Variants in RAPGEF3 observed in about 807,000 individuals in gnomAD.
The protein encoded by RAPGEF3 is 9330170P05Rik.
Under a neutral mutation model 129.8 loss-of-function variants are expected in RAPGEF3, and 103 were observed. The observed-to-expected ratio is 0.79, with a 90% CI of 0.68 to 0.93. RAPGEF3 has a LOEUF of 0.93. RAPGEF3 is among the 40% of genes least tolerant of loss of function. The pLI is 0.00. For synonymous variants in RAPGEF3, 436 were observed against 482.6 expected (o/e 0.90, Z 1.26); for missense variants, 1,117 against 1,207.4 (o/e 0.93, Z 1.11).
At position 47,741,543 on chromosome 12, in the gene RAPGEF3, G is replaced by GTGGGC. The variant is rs760509183; in HGVS notation, c.1884_1885insGCCCA (p.Arg629AlafsTer15). On this transcript the variant is annotated frameshift_variant, in exon 19 of 28. Transcript: ENST00000449771. LOFTEE classifies it high-confidence loss of function. Reference sequence around the variant, plus strand: ...TCCTGTGGGTTGACAACAAAGAGACGCTCATTGAGCCCCAGAGATGTGGCC... The same window carrying GTGGGC: ...TCCTGTGGGTTGACAACAAAGAGACGTGGGCCTCATTGAGCCCCAGAGATGTGGCC... 2 of 1,614,126 alleles carry GTGGGC rather than the reference G, an allele frequency of 1.2e-6. No homozygotes were observed. Among genetic ancestry groups the GTGGGC allele is most frequent in the South Asian group, 2.2e-5 (2 of 91,092 alleles).
chr12:47,741,492 G>T lies in RAPGEF3; in HGVS notation c.1923+13C>A, dbSNP rs1222826485. ...TCTCCTCCCTGGGCCCTGGCACCCT[G>T]CCTGGTCCCTACCAGCTCATGCACT... is the stretch of plus-strand genomic sequence containing the variant. On this transcript the variant is annotated intron_variant, in intron 19 of 27. Transcript: ENST00000449771. 5.0e-6 allele frequency: 8 copies of T among 1,610,406 alleles called. No individual in the cohort carries two copies. The highest frequency in any genetic ancestry group is 1.7e-5 in the Admixed American group (1 of 60,010).
chr12:47,752,077 A>G (rs1941786784), intron 2 of RAPGEF3, 108 bp from the exon 3 acceptor site: 1 of 1,191,778 alleles, frequency 8.4e-7, no homozygotes, highest in South Asian at 1.3e-5. Flanking sequence ...CCCAACCCCA[A>G]ATGCATCCAT....
chr12:47,745,502 C>T (rs1941377413), intron 16 of RAPGEF3: 1 of 152,640 alleles, frequency 6.6e-6, no homozygotes, highest in Admixed American at 6.5e-5. Context: ...TCCAGGGATC[C>T]TCCTCCTGGG....
At position 47,749,561 on chromosome 12, in the gene RAPGEF3, C is replaced by T; in HGVS notation, c.895-25G>A. 6.4e-7 allele frequency: 1 copy of T among 1,552,978 alleles called. No homozygotes were observed. Among genetic ancestry groups the T allele is most frequent in the Non-Finnish European group, 8.7e-7 (1 of 1,153,122 alleles). ...CCTGCAGCCAGGCCTCAGTCTCAGC[C>T]CGCCCCTGCCGCCCCTGCCGCCCCC... On this transcript the variant is annotated intron_variant, in intron 9 of 27. Transcript: ENST00000449771. This position sits in a 1 kb window ranked among gnomAD's most constrained non-coding sequence, Gnocchi z 4.5.
At chr12:47,755,435 A>G (rs1941996644) in intron 2 of RAPGEF3, among the ~76,000 whole-genome samples, 1 of 152,188 alleles carries the variant, frequency 6.6e-6, no homozygotes, top group African/African-American at 2.4e-5. Context: ...GAGTTACAAA[A>G]CAGGGCCACT....
chr12:47,752,310 G>A (rs566615481), intron 2 of RAPGEF3, among the ~76,000 whole-genome samples: 2 of 152,348 alleles, frequency 1.3e-5, no homozygotes, highest in South Asian at 4.1e-4. Flanking sequence ...GAGCTGGAAG[G>A]AGCATGAGGA....
chr12:47,750,554 T>C (rs1171235493), intron 6 of RAPGEF3, 129 bp from the exon 7 acceptor site: 17 of 759,308 alleles, frequency 2.2e-5, no homozygotes, highest in Non-Finnish European at 3.7e-5. Context: ...CAGCAGCAGC[T>C]AACCTTTACT....
intron 18 of RAPGEF3, among the ~76,000 whole-genome samples, chr12:47,742,736 A>G (rs750634561): frequency 2.6e-5 from 4 of 152,224 alleles, no homozygotes; most frequent in Admixed American, 6.5e-5. Context: ...CTGACAGGTG[A>G]GGAAATGCAG....
chr12:47,740,123 G>A lies in RAPGEF3; in HGVS notation c.2373+18C>T, dbSNP rs745343945. Reference sequence around the variant, plus strand: ...GCTGATCCTAGCAGAGCCAGGCCGGGCAGGGTGGAGCACTCACCAGCAGCC... The same window carrying A: ...GCTGATCCTAGCAGAGCCAGGCCGGACAGGGTGGAGCACTCACCAGCAGCC... On this transcript the variant is annotated intron_variant, in intron 23 of 27. Coordinates refer to ENST00000449771, the MANE Select transcript of RAPGEF3 (RefSeq NM_001098531.4). 2.5e-6 allele frequency: 4 copies of A among 1,610,268 alleles called. No homozygotes were observed. The Admixed American group carries it at 6.7e-5, about 27-fold the overall frequency.
At position 47,740,652 on chromosome 12, in the gene RAPGEF3, G is replaced by A. The variant is rs769402450; in HGVS notation, c.2221C>T (p.Leu741=). The A allele has an allele frequency of 2.5e-6, 4 of 1,613,620 alleles. No homozygotes were observed. The highest frequency in any genetic ancestry group is 8.5e-7 in the Non-Finnish European group (1 of 1,179,920). Residue 741 remains leucine, a synonymous_variant, in exon 21 of 28, where the codon CTG becomes TTG. Transcript: ENST00000449771. Reference sequence around the variant, plus strand: ...TGGACAGGGACTCACTGGGCCGCCAGCTTAATGAACTTCCTGAGCAGCTGG... The same window carrying A: ...TGGACAGGGACTCACTGGGCCGCCAACTTAATGAACTTCCTGAGCAGCTGG... ...RAQLLRKFIK[L]AAHLKEQKNL...
intron 25 of RAPGEF3, 140 bp from the exon 26 acceptor site, chr12:47,738,387 T>C: frequency 8.5e-7 from 1 of 1,178,550 alleles, no homozygotes; most frequent in Non-Finnish European, 1.2e-6. Flanking sequence ...TCATGTGTAC[T>C]TCGCCTCAGC....
chr12:47,740,473 C>T, intron 21 of RAPGEF3, 78 bp from the exon 22 acceptor site: 1 of 1,520,138 alleles, frequency 6.6e-7, no homozygotes, highest in Non-Finnish European at 9.1e-7. Context: ...ACAGCCAGGC[C>T]AGCCTCTGCA....
At position 47,751,921 on chromosome 12, in the gene RAPGEF3, C is replaced by T. The variant is rs886380570; in HGVS notation, c.268G>A (p.Glu90Lys). 27 of 1,614,036 alleles carry T rather than the reference C, an allele frequency of 1.7e-5. No homozygotes were observed. The highest frequency in any genetic ancestry group is 1.9e-5 in the Non-Finnish European group (22 of 1,180,034). The change falls in exon 3 of 28, where the codon GAG becomes AAG. Residue 90 changes from glutamate to lysine, a missense_variant. Glu to Lys is a moderately conservative substitution (Grantham distance 56). This residue lies in a region of RAPGEF3 where 367 missense variants were observed against 373.4 expected (regional missense o/e 0.98). Coordinates refer to ENST00000449771, the MANE Select transcript of RAPGEF3 (RefSeq NM_001098531.4). ...CACCCTGCCCAGGCTTCTACCTGCT[C>T]CAGGCTCTCGCTGAAATCCAGGGAC... is the stretch of plus-strand genomic sequence containing the variant. ...EESLDFSESL[E>K]QASTERVLRA... is the part of the protein sequence containing the mutation.
At position 47,740,864 on chromosome 12, in the gene RAPGEF3, G is replaced by T. The variant is rs747564413; in HGVS notation, c.2050-41C>A. On this transcript the variant is annotated intron_variant, in intron 20 of 27. Coordinates refer to ENST00000449771, the MANE Select transcript of RAPGEF3 (RefSeq NM_001098531.4). ...AGGAGAGGTCAGCGAGTGCTGAGCC[G>T]AGCCGGGCGCCCCGCCGCCTGCTCT... 14 of 1,613,468 alleles carry T rather than the reference G, an allele frequency of 8.7e-6. No individual in the cohort carries two copies. The South Asian group carries it at 1.4e-4, about 16-fold the overall frequency.
chr12:47,739,086 T>C, intron 24 of RAPGEF3, 57 bp downstream of exon 24: 1 of 1,335,820 alleles, frequency 7.5e-7, no homozygotes, highest in Non-Finnish European at 1.0e-6. Context: ...AAGGGGGAAA[T>C]GGGGGATGGA....
At chr12:47,754,313 A>G (rs1288687691) in intron 2 of RAPGEF3, among the ~76,000 whole-genome samples, 1 of 152,230 alleles carries the variant, frequency 6.6e-6, no homozygotes, top group Non-Finnish European at 1.5e-5. Flanking sequence ...GTGGGCAAGT[A>G]AGTTTGGAAA....
At chr12:47,758,490 G>A (rs1942238262) in intron 1 of RAPGEF3, 61 bp downstream of exon 1, 3 of 1,589,528 alleles carry the variant, frequency 1.9e-6, no homozygotes, top group South Asian at 1.1e-5. Context: ...ACTCCCCACC[G>A]TGTCAGCTTC....
At chr12:47,740,545 G>C in intron 21 of RAPGEF3, 97 bp downstream of exon 21, 1 of 1,515,236 alleles carries the variant, frequency 6.6e-7, no homozygotes, top group Non-Finnish European at 9.1e-7. Context: ...AACAAATAGG[G>C]TGGCAGATTT....
At chr12:47,741,461 A>G (rs1267231029) in intron 19 of RAPGEF3, 44 bp downstream of exon 19, 1 of 1,560,322 alleles carries the variant, frequency 6.4e-7, no homozygotes, top group Non-Finnish European at 8.8e-7. Flanking sequence ...CCACACTCAA[A>G]ATAGATCTCC....
Sources: allele counts gnomAD v4.1 joint callset (sites outside exome capture counted in the v4.1 genomes callset), GRCh38; gene constraint gnomAD v4.1.1; regional missense constraint gnomAD v4.1.1; non-coding constraint Gnocchi (gnomAD v3.1); transcripts MANE v1.5; gene names NCBI Gene and HGNC (gene_info 2026-07-23, HGNC 2026-07-21).